Variants in CNTD1 observed in about 807,000 individuals in gnomAD.
CNTD1 encodes the protein cyclin N-terminal domain containing 1, also known as cyclin N-terminal domain-containing protein 1.
Under a neutral mutation model 36.3 loss-of-function variants are expected in CNTD1, and 17 were observed. The ratio of observed to expected loss-of-function variants is 0.47; its 90% CI spans 0.32 to 0.70. The LOEUF is 0.70. Among genes scored for constraint, CNTD1 ranks in the 30% least tolerant of loss-of-function variants. CNTD1 has a pLI of 0.03. For synonymous variants in CNTD1, 128 were observed against 153.3 expected (o/e 0.83, Z 1.22); for missense variants, 338 against 386.1 (o/e 0.88, Z 1.04).
intron 1 of CNTD1, among the ~76,000 whole-genome samples, chr17:42,802,607 C>T (rs2054813651): frequency 6.6e-6 from 1 of 152,224 alleles, no homozygotes; most frequent in African/African-American, 2.4e-5. Flanking sequence ...GCTAGCCAAA[C>T]TGTAGCCTCT....
At chr17:42,800,908 C>T (rs931314258) in intron 1 of CNTD1, among the ~76,000 whole-genome samples, 4 of 152,120 alleles carry the variant, frequency 2.6e-5, no homozygotes, top group African/African-American at 4.8e-5. Context: ...CAGACACGGC[C>T]GGGCACGGTG....
intron 3 of CNTD1, among the ~76,000 whole-genome samples, chr17:42,805,152 T>TCC (rs1429523116): frequency 6.6e-6 from 1 of 152,152 alleles, no homozygotes; most frequent in Non-Finnish European, 1.5e-5. Flanking sequence ...AAAAAATGTT[T>TCC]CCACATCACT....
At chr17:42,805,922 C>T (rs1286544772) in intron 4 of CNTD1, 38 bp downstream of exon 4, 1 of 1,563,364 alleles carries the variant, frequency 6.4e-7, no homozygotes. Flanking sequence ...TTGGAGACTT[C>T]CATAGAAGGC....
At chr17:42,800,170 G>T (rs541715152) in intron 1 of CNTD1, among the ~76,000 whole-genome samples, 1 of 151,986 alleles carries the variant, frequency 6.6e-6, no homozygotes, top group East Asian at 1.9e-4. Flanking sequence ...GAACAAATAT[G>T]CAATGACTAG....
intron 6 of CNTD1, 58 bp from the exon 7 acceptor site, chr17:42,809,307 G>C: frequency 7.0e-7 from 1 of 1,428,774 alleles, no homozygotes; most frequent in South Asian, 1.2e-5. Context: ...GTGTGTGTTT[G>C]TGCACTAAAA....
In CNTD1 at chr17:42,810,597, T is replaced by A; in HGVS notation, c.*1062T>A. 1 of 702,102 alleles carries A rather than the reference T, an allele frequency of 1.4e-6. No homozygotes were observed. Among genetic ancestry groups the A allele is most frequent in the Non-Finnish European group, 2.1e-6 (1 of 465,980 alleles). 43.5% of individuals were successfully genotyped at this position (702,102 alleles called of 1,614,324 possible). Reference sequence around the variant, plus strand: ...TGGCATGTTGTAGCTCTGGAAAGTATCTGTCACATGATATTTTAAAATAAA... The same window carrying A: ...TGGCATGTTGTAGCTCTGGAAAGTAACTGTCACATGATATTTTAAAATAAA... On this transcript the variant is annotated 3_prime_UTR_variant, in exon 7 of 7. Coordinates refer to ENST00000588408, the MANE Select transcript of CNTD1 (RefSeq NM_173478.3).
chr17:42,807,965 C>A, intron 6 of CNTD1, 101 bp downstream of exon 6: 4 of 870,700 alleles, frequency 4.6e-6, no homozygotes, highest in Non-Finnish European at 7.4e-6. Flanking sequence ...ACAGAAGTGC[C>A]AAGACCCAGG....
chr17:42,802,475 G>T (rs529175117), intron 1 of CNTD1, among the ~76,000 whole-genome samples: 2 of 152,120 alleles, frequency 1.3e-5, no homozygotes, highest in African/African-American at 2.4e-5. Flanking sequence ...CATACACAAA[G>T]AACAAAACTA....
At chr17:42,806,054 C>T (rs1389061913) in intron 4 of CNTD1, among the ~76,000 whole-genome samples, 170 bp downstream of exon 4, 1 of 151,764 alleles carries the variant, frequency 6.6e-6, no homozygotes, top group Non-Finnish European at 1.5e-5. Flanking sequence ...ATAGTGAGAC[C>T]CCATCTCTAC....
Position 42,810,636 on chromosome 17 carries a change from A to AT in CNTD1, c.*1107dup, listed in dbSNP as rs1447049794. The AT allele has an allele frequency of 4.7e-6, 5 of 1,074,618 alleles. No homozygotes were observed. Among genetic ancestry groups the AT allele is most frequent in the South Asian group, 4.4e-5 (2 of 45,858 alleles). The allele number at this position is 1,074,618 out of a possible 1,614,324, so 66.6% of individuals were successfully genotyped here. ...TTTTAAAATAAAGTGGCTTTTGTGG[A>AT]TTTTTTCTTTTTTGGTATTGTAAAC... On this transcript the variant is annotated 3_prime_UTR_variant, in exon 7 of 7. Transcript: ENST00000588408.
Position 42,798,984 on chromosome 17 carries a change from T to C in CNTD1, c.-84T>C, listed in dbSNP as rs1264004098. ...TTGGAAGGGGACGAGGAATCCAGGGTGTGGCAGAAGACTGGAGAGGAGCTA... is the reference window on the plus strand; with the variant it reads ...TTGGAAGGGGACGAGGAATCCAGGGCGTGGCAGAAGACTGGAGAGGAGCTA... On this transcript the variant is annotated 5_prime_UTR_variant, in exon 1 of 7. Transcript: ENST00000588408. 3 of 1,530,252 alleles carry C rather than the reference T, an allele frequency of 2.0e-6. No individual in the cohort carries two copies. Among genetic ancestry groups the C allele is most frequent in the Non-Finnish European group, 2.6e-6 (3 of 1,140,468 alleles). 94.8% of individuals were successfully genotyped at this position (1,530,252 alleles called of 1,614,324 possible).
chr17:42,810,025 C>G lies in CNTD1; in HGVS notation c.*490C>G, dbSNP rs1333457898. 1 of 152,244 alleles carries G rather than the reference C, an allele frequency of 6.6e-6. No homozygotes were observed. The highest frequency in any genetic ancestry group is 1.5e-5 in the Non-Finnish European group (1 of 68,118). 9.4% of individuals were successfully genotyped at this position (152,244 alleles called of 1,614,324 possible). ...TCTTTTTTTAAAACTAAAACTAACTCTAAAGAAGTTTCAACAGAATTTCCA... is the reference window on the plus strand; with the variant it reads ...TCTTTTTTTAAAACTAAAACTAACTGTAAAGAAGTTTCAACAGAATTTCCA... On this transcript the variant is annotated 3_prime_UTR_variant, in exon 7 of 7. Transcript: ENST00000588408.
intron 5 of CNTD1, 67 bp downstream of exon 5, chr17:42,806,885 T>C: frequency 6.6e-7 from 1 of 1,504,830 alleles, no homozygotes; most frequent in South Asian, 1.2e-5. Context: ...CACAAGAACT[T>C]GGGGAATGGA....
At chr17:42,807,342 G>C (rs1275083039) in intron 5 of CNTD1, among the ~76,000 whole-genome samples, 1 of 152,098 alleles carries the variant, frequency 6.6e-6, no homozygotes, top group African/African-American at 2.4e-5. Context: ...GTGAACCCAG[G>C]AGGCGGAGCT....
chr17:42,801,762 A>G (rs1253943026), intron 1 of CNTD1, among the ~76,000 whole-genome samples: 1 of 151,836 alleles, frequency 6.6e-6, no homozygotes, highest in Non-Finnish European at 1.5e-5. Flanking sequence ...AGCTCCTAGA[A>G]GGAGAAAAGA....
At chr17:42,802,727 A>G (rs2054816129) in intron 1 of CNTD1, among the ~76,000 whole-genome samples, 1 of 152,226 alleles carries the variant, frequency 6.6e-6, no homozygotes, top group South Asian at 2.1e-4. Flanking sequence ...CTCTGAAGAC[A>G]TATGATTATT....
At chr17:42,800,483 T>C (rs2054761269) in intron 1 of CNTD1, among the ~76,000 whole-genome samples, 2 of 152,032 alleles carry the variant, frequency 1.3e-5, no homozygotes, top group Admixed American at 1.3e-4. Context: ...ACTGGAAAGG[T>C]AGTTTGGAGA....
chr17:42,811,584 A>C lies in CNTD1; in HGVS notation c.*2049A>C. 6.5e-7 allele frequency: 1 copy of C among 1,547,644 alleles called. No individual in the cohort carries two copies. Among genetic ancestry groups the C allele is most frequent in the Non-Finnish European group, 8.7e-7 (1 of 1,147,002 alleles). ...CCACCATTTATACTGTTTTGCCTCC[A>C]TTATTACTGCTGCTTCAATTCTGTT... is the stretch of plus-strand genomic sequence containing the variant. On this transcript the variant is annotated 3_prime_UTR_variant, in exon 7 of 7. Transcript: ENST00000588408.
At position 42,805,860 on chromosome 17, in the gene CNTD1, G is replaced by A; in HGVS notation, c.556G>A (p.Val186Met). 2 of 1,613,510 alleles carry A rather than the reference G, an allele frequency of 1.2e-6. No individual in the cohort carries two copies. Among genetic ancestry groups the A allele is most frequent in the East Asian group, 4.5e-5 (2 of 44,872 alleles). ...RINLPTPLAY[V>M]ETLLEVLGYN... is the part of the protein sequence containing the mutation. The stretch of plus-strand genomic sequence containing the variant: ...TAATCTGCCCACTCCCCTGGCATAT[G>A]TGGAGACGCTCCTAGAGGTTTTAGG... Residue 186 changes from valine (V) to methionine (M), a missense_variant, in exon 4 of 7, where the codon GTG becomes ATG. Coordinates refer to ENST00000588408, the MANE Select transcript of CNTD1 (RefSeq NM_173478.3).
Sources: allele counts gnomAD v4.1 joint callset (sites outside exome capture counted in the v4.1 genomes callset), GRCh38; gene constraint gnomAD v4.1.1; transcripts MANE v1.5; gene names NCBI Gene and HGNC (gene_info 2026-07-23, HGNC 2026-07-21).